Variants in LRMDA observed in about 807,000 individuals in gnomAD.
The protein encoded by LRMDA is leucine-rich melanocyte differentiation-associated protein.
In LRMDA, 18 loss-of-function variants were observed where a neutral mutation model predicts 29.8. That is an observed-to-expected ratio of 0.60 (90% confidence interval 0.42 to 0.90). The LOEUF is 0.90. LRMDA is among the 40% of genes least tolerant of loss of function. LRMDA has a pLI of 0.00. For synonymous variants in LRMDA, 125 were observed against 109.4 expected (o/e 1.14, Z -0.89); for missense variants, 273 against 273.9 (o/e 1.00, Z 0.02).
At chr10:75,575,394 G>A (rs1840491298) in intron 2 of LRMDA, among the ~76,000 whole-genome samples, 1 of 152,166 alleles carries the variant, frequency 6.6e-6, no homozygotes, top group African/African-American at 2.4e-5. Context: ...TTTGAGACAA[G>A]GCTAGTCTCT....
chr10:76,393,115 T>C (rs1841743082), intron 6 of LRMDA, among the ~76,000 whole-genome samples: 1 of 152,184 alleles, frequency 6.6e-6, no homozygotes. Context: ...TTCCATACTT[T>C]GGTTATTGTG....
chr10:75,632,252 T>C (rs144469306), intron 2 of LRMDA, among the ~76,000 whole-genome samples: 127 of 152,324 alleles, frequency 8.3e-4, no homozygotes, highest in Middle Eastern at 3.4e-3. Context: ...GGAAAGATGA[T>C]TAGGGAAAGG....
intron 2 of LRMDA, among the ~76,000 whole-genome samples, chr10:75,529,575 G>A (rs60863650): frequency 0.019 from 2,858 of 152,248 alleles, 90 homozygotes; most frequent in African/African-American, 0.065. Flanking sequence ...CCATCAGCCT[G>A]GAGTGGTTGG....
At chr10:76,239,116 A>G (rs1309105342) in intron 5 of LRMDA, among the ~76,000 whole-genome samples, 9 of 152,102 alleles carry the variant, frequency 5.9e-5, no homozygotes, top group Admixed American at 5.9e-4. Context: ...TTAAAGAAAT[A>G]CCCCAAACTG....
At chr10:76,416,870 G>A (rs1464263554) in intron 6 of LRMDA, among the ~76,000 whole-genome samples, 1 of 152,152 alleles carries the variant, frequency 6.6e-6, no homozygotes, top group Non-Finnish European at 1.5e-5. Context: ...CTTGTATGTT[G>A]TATAGGTGTG....
chr10:76,102,097 T>A (rs1849403478), intron 5 of LRMDA, among the ~76,000 whole-genome samples: 1 of 152,224 alleles, frequency 6.6e-6, no homozygotes, highest in African/African-American at 2.4e-5. Context: ...ATAGCATGTA[T>A]CAGTATTTCA....
chr10:75,775,309 T>C (rs1564564907), intron 2 of LRMDA, among the ~76,000 whole-genome samples: 1 of 152,212 alleles, frequency 6.6e-6, no homozygotes, highest in Admixed American at 6.5e-5. Context: ...TAACAGCTAT[T>C]CATAGGTGCA....
At chr10:76,416,815 T>C (rs1259727514) in intron 6 of LRMDA, among the ~76,000 whole-genome samples, 2 of 152,208 alleles carry the variant, frequency 1.3e-5, no homozygotes, top group African/African-American at 4.8e-5. Flanking sequence ...CCTGTTGGTT[T>C]GTAGTTAGTG....
intron 6 of LRMDA, among the ~76,000 whole-genome samples, chr10:76,551,777 T>C (rs548854961): frequency 2.0e-5 from 3 of 152,232 alleles, no homozygotes; most frequent in African/African-American, 7.2e-5. Flanking sequence ...CATGGAAACA[T>C]TGTTCTAGAG....
chr10:75,978,038 C>T (rs1449954186), intron 2 of LRMDA, among the ~76,000 whole-genome samples: 1 of 152,128 alleles, frequency 6.6e-6, no homozygotes, highest in Admixed American at 6.5e-5. Flanking sequence ...TGCTGATTGT[C>T]CCAGGGCTAT....
At chr10:75,724,297 A>G (rs1254969094) in intron 2 of LRMDA, among the ~76,000 whole-genome samples, 4 of 152,244 alleles carry the variant, frequency 2.6e-5, no homozygotes, top group African/African-American at 9.6e-5. Flanking sequence ...CAATTTGTAG[A>G]CGTTTCACAG....
intron 6 of LRMDA, among the ~76,000 whole-genome samples, chr10:76,339,899 T>C (rs997554110): frequency 6.6e-6 from 1 of 152,122 alleles, no homozygotes; most frequent in Non-Finnish European, 1.5e-5. Context: ...TCATCTTTTA[T>C]AATTTATTCC....
At chr10:76,016,508 G>A (rs940033569) in intron 2 of LRMDA, among the ~76,000 whole-genome samples, 2 of 152,084 alleles carry the variant, frequency 1.3e-5, no homozygotes, top group Non-Finnish European at 2.9e-5. Context: ...TGCTTTAACC[G>A]AGTTTTCTGA....
intron 2 of LRMDA, among the ~76,000 whole-genome samples, chr10:75,716,712 ATG>A (rs1237143909): frequency 6.6e-6 from 1 of 152,094 alleles, no homozygotes; most frequent in Non-Finnish European, 1.5e-5. Flanking sequence ...CCTCCTTCTC[ATG>A]TGTCTCTTTT....
chr10:76,538,677 G>A (rs1317139223), intron 6 of LRMDA, among the ~76,000 whole-genome samples: 1 of 151,636 alleles, frequency 6.6e-6, no homozygotes, highest in African/African-American at 2.4e-5. Context: ...TGTTTAACTT[G>A]TTACAACTCT....
intron 5 of LRMDA, among the ~76,000 whole-genome samples, chr10:76,322,316 A>G (rs1840781331): frequency 6.6e-6 from 1 of 151,982 alleles, no homozygotes; most frequent in Admixed American, 6.5e-5. Context: ...AGCCAAGTCA[A>G]AGAGCTGGTA....
At chr10:75,776,000 T>C (rs988945322) in intron 2 of LRMDA, among the ~76,000 whole-genome samples, 4 of 152,204 alleles carry the variant, frequency 2.6e-5, no homozygotes, top group Non-Finnish European at 5.9e-5. Flanking sequence ...GGAGTTTAGT[T>C]AGCAAACCAT....
chr10:75,579,487 G>T (rs1445971100), intron 2 of LRMDA, among the ~76,000 whole-genome samples: 1 of 152,178 alleles, frequency 6.6e-6, no homozygotes, highest in Admixed American at 6.5e-5. Flanking sequence ...AATCCTACCA[G>T]AGGCATAAAG....
At chr10:75,633,591 C>T (rs1841354602) in intron 2 of LRMDA, among the ~76,000 whole-genome samples, 1 of 152,220 alleles carries the variant, frequency 6.6e-6, no homozygotes, top group South Asian at 2.1e-4. Flanking sequence ...CCAGCCCCAG[C>T]CCCGAAGAAA....
Sources: gnomAD v4.1 joint callset for allele counts (sites outside exome capture counted in the v4.1 genomes callset) on GRCh38, gnomAD v4.1.1 for gene constraint, MANE v1.5 for transcripts, NCBI Gene and HGNC (gene_info 2026-07-23, HGNC 2026-07-21) for gene names.